CD44: variants seen among roughly 807,000 people sequenced by gnomAD.
CD44 encodes CD44 molecule (IN blood group).
A neutral mutation model predicts 88.8 loss-of-function variants in CD44; 49 were observed. That is an observed-to-expected ratio of 0.55 (90% CI 0.44 to 0.70). CD44 has a LOEUF of 0.70. Among genes scored for constraint, CD44 ranks in the 30% least tolerant of loss-of-function variants. The probability of loss-of-function intolerance (pLI) is 0.00; values close to 1 mark genes in which losing one functional copy is unlikely to be tolerated. For missense variants in CD44, 883 were observed against 913.8 expected, an observed-to-expected ratio of 0.97 and a Z score of 0.43; for synonymous variants, 325 against 312.3, an observed-to-expected ratio of 1.04 and a Z score of -0.43.
chr11:35,153,612 CAA>C (rs1941472581), intron 1 of CD44, among the ~76,000 whole-genome samples: 1 of 152,172 alleles, frequency 6.6e-6, no homozygotes, highest in Admixed American at 6.5e-5. Flanking sequence ...CCACTGTAGA[CAA>C]GAGAGGCATA....
chr11:35,176,469 C>T (rs1345797820), intron 1 of CD44, 106 bp from the exon 2 acceptor site: 20 of 1,013,816 alleles, frequency 2.0e-5, no homozygotes, highest in Admixed American at 1.8e-4. Flanking sequence ...TGAGCCACCG[C>T]GCCCGGCCTT....
At chr11:35,162,900 A>G (rs1425331322) in intron 1 of CD44, among the ~76,000 whole-genome samples, 1 of 152,086 alleles carries the variant, frequency 6.6e-6, no homozygotes, top group East Asian at 1.9e-4. Context: ...ACATGCACAC[A>G]CACACAGACA....
chr11:35,196,718 AC>A (rs1946791538), intron 5 of CD44, 27 bp from the exon 6 acceptor site: 3 of 1,609,732 alleles, frequency 1.9e-6, no homozygotes, highest in Non-Finnish European at 8.5e-7. Flanking sequence ...TAATCTTTCA[AC>A]AATCAATTCA....
At chr11:35,219,124 A>G in intron 15 of CD44, 192 bp from the exon 16 acceptor site, 1 of 585,288 alleles carries the variant, frequency 1.7e-6, no homozygotes, top group Non-Finnish European at 3.1e-6. Flanking sequence ...TAACATTACT[A>G]AGCCTTAGCC....
chr11:35,223,783 C>T (rs894363220), intron 17 of CD44, among the ~76,000 whole-genome samples: 11 of 152,220 alleles, frequency 7.2e-5, no homozygotes, highest in Non-Finnish European at 1.5e-4. Flanking sequence ...GATTCTAAAG[C>T]TGTCAACCCA....
At chr11:35,142,141 C>T (rs1057273853) in intron 1 of CD44, among the ~76,000 whole-genome samples, 1 of 151,838 alleles carries the variant, frequency 6.6e-6, no homozygotes, top group Non-Finnish European at 1.5e-5. Flanking sequence ...ATGAGTCCTT[C>T]ATGCACATGC....
At chr11:35,219,600 A>C (rs11033030) in intron 16 of CD44, among the ~76,000 whole-genome samples, 1,996 of 152,302 alleles carry the variant, frequency 0.013, 53 homozygotes, top group African/African-American at 0.046. Flanking sequence ...GGGTTCTGCA[A>C]ACTAGCTGAG....
At chr11:35,222,257 C>A in intron 17 of CD44, 1 of 435,304 alleles carries the variant, frequency 2.3e-6, no homozygotes, top group Non-Finnish European at 4.5e-6. Flanking sequence ...GAACTTTTAC[C>A]AGAAGGAAGT....
chr11:35,191,232 G>A (rs1222421016), intron 5 of CD44, among the ~76,000 whole-genome samples: 1 of 152,154 alleles, frequency 6.6e-6, no homozygotes, highest in Admixed American at 6.6e-5. Flanking sequence ...CAGAAGCCAG[G>A]GAAACCCCCA....
chr11:35,227,621 C>T (rs963074014), intron 17 of CD44, among the ~76,000 whole-genome samples: 1 of 152,228 alleles, frequency 6.6e-6, no homozygotes, highest in African/African-American at 2.4e-5. Context: ...CAGGATCTAC[C>T]TCCTGTTGAG....
chr11:35,149,851 C>T, intron 1 of CD44, among the ~76,000 whole-genome samples: 1 of 152,178 alleles, frequency 6.6e-6, no homozygotes, highest in East Asian at 1.9e-4. Context: ...CATATGGACC[C>T]AATTACACTC....
chr11:35,148,665 G>T (rs1859690635), intron 1 of CD44, among the ~76,000 whole-genome samples: 1 of 152,190 alleles, frequency 6.6e-6, no homozygotes, highest in Admixed American at 6.5e-5. Flanking sequence ...GAGCATAAAA[G>T]CTCCTTAGGG....
intron 14 of CD44, among the ~76,000 whole-genome samples, chr11:35,214,320 C>T (rs1450037334): frequency 6.6e-6 from 1 of 151,750 alleles, no homozygotes; most frequent in Non-Finnish European, 1.5e-5. Flanking sequence ...AGTAGTTGAC[C>T]TTTCTCTTTG....
chr11:35,222,843 G>A lies in CD44; in HGVS notation c.2024+1111G>A, dbSNP rs182054506. On this transcript the variant is annotated intron_variant, in intron 17 of 17. Coordinates refer to ENST00000428726, the MANE Select transcript of CD44 (RefSeq NM_000610.4). ...GTAAAAGAAACTTATTTCCAAGCAGGACCACCTTTATTGTGTCCCCAGATC... is the reference window on the plus strand; with the variant it reads ...GTAAAAGAAACTTATTTCCAAGCAGAACCACCTTTATTGTGTCCCCAGATC... 305 of 985,122 alleles carry A rather than the reference G, an allele frequency of 3.1e-4. No homozygotes were observed. The African/African-American group carries it at 5.1e-3, about 17-fold the overall frequency. The allele number at this position is 985,122 out of a possible 1,614,324, so 61.0% of individuals were successfully genotyped here.
rs353630 is a variant in CD44 at position 35,166,644 on chromosome 11, G to A, written c.68-9931G>A. Among the ~76,000 whole-genome samples, 49,312 of 152,058 alleles carry A rather than the reference G, an allele frequency of 0.32. 8,761 individuals are homozygous for A. Among genetic ancestry groups the A allele is most frequent in the African/African-American group, 0.46 (19,256 of 41,458 alleles). On this transcript the variant is annotated intron_variant, in intron 1 of 17. Coordinates refer to ENST00000428726, the MANE Select transcript of CD44 (RefSeq NM_000610.4). ...TGCCATGACAGGCTCCAGGCTCCACGGAAAAAAGGCAGAGAAATCAGGGGG... is the reference window on the plus strand; with the variant it reads ...TGCCATGACAGGCTCCAGGCTCCACAGAAAAAAGGCAGAGAAATCAGGGGG...
Position 35,189,956 on chromosome 11 carries a change from G to C in CD44, c.558G>C (p.Arg186Ser). 6.2e-7 allele frequency: 1 copy of C among 1,613,984 alleles called. No homozygotes were observed. The highest frequency in any genetic ancestry group is 1.3e-5 in the African/African-American group (1 of 75,044). The change falls in exon 5 of 18, where the codon AGG becomes AGC. Residue 186 changes from arginine (R) to serine (S), a missense_variant. By Grantham distance (110) the Arg-to-Ser change is moderately radical (BLOSUM62 -1). Around this residue, in one of 2 missense-constraint regions of CD44, gnomAD observed 252 missense variants for 322.9 expected, o/e 0.78. Coordinates refer to ENST00000428726, the MANE Select transcript of CD44 (RefSeq NM_000610.4). Reference sequence around the variant, plus strand: ...TGAGCAGCGGCTCCTCCAGTGAAAGGAGCAGCACTTCAGGAGGTTACATCT... The same window carrying C: ...TGAGCAGCGGCTCCTCCAGTGAAAGCAGCAGCACTTCAGGAGGTTACATCT... ...DDVSSGSSSERSSTSGGYIFY... is the reference protein window; with the variant it reads ...DDVSSGSSSESSSTSGGYIFY...
At chr11:35,166,226 G>A (rs1488040230) in intron 1 of CD44, among the ~76,000 whole-genome samples, 2 of 152,202 alleles carry the variant, frequency 1.3e-5, no homozygotes. Context: ...AGGATTTCCT[G>A]ATCACCATGG....
chr11:35,225,544 C>T (rs185341477), intron 17 of CD44, among the ~76,000 whole-genome samples: 21 of 152,182 alleles, frequency 1.4e-4, no homozygotes, highest in African/African-American at 4.1e-4. Flanking sequence ...TGGCTGGGCG[C>T]GGGGGCTCAC....
chr11:35,183,812 T>C (rs967331701), intron 3 of CD44, among the ~76,000 whole-genome samples: 2 of 152,194 alleles, frequency 1.3e-5, no homozygotes, highest in African/African-American at 4.8e-5. Context: ...GTCAAGTGCC[T>C]CATTTTCTTT....
Sources: allele counts gnomAD v4.1 joint callset (sites outside exome capture counted in the v4.1 genomes callset), GRCh38; gene constraint gnomAD v4.1.1; regional missense constraint gnomAD v4.1.1; transcripts MANE v1.5; gene names NCBI Gene and HGNC (gene_info 2026-07-23, HGNC 2026-07-21).